Variants in GIN1 observed in about 807,000 individuals in gnomAD.
GIN1 encodes gypsy retrotransposon integrase-like protein 1.
In GIN1, 41 loss-of-function variants were observed where a neutral mutation model predicts 51.4. The ratio of observed to expected loss-of-function variants is 0.80; its 90% CI spans 0.62 to 1.04. The LOEUF is 1.04. Ranked by LOEUF, GIN1 falls within the 50% of genes least tolerant of loss-of-function variation. The pLI, the probability that GIN1 is intolerant of heterozygous loss-of-function variation, is 0.00. For missense variants in GIN1, 610 were observed against 612.4 expected (o/e 1.00, Z 0.04); for synonymous variants, 222 against 206.5 (o/e 1.07, Z -0.64).
chr5:103,106,321 A>G (rs543811892), intron 3 of GIN1, among the ~76,000 whole-genome samples: 1 of 152,278 alleles, frequency 6.6e-6, no homozygotes, highest in Non-Finnish European at 1.5e-5. Context: ...GGCACAAAAG[A>G]TAAGAGCACA....
chr5:103,090,576 G>A (rs1787210641), intron 7 of GIN1, among the ~76,000 whole-genome samples: 1 of 152,166 alleles, frequency 6.6e-6, no homozygotes, highest in African/African-American at 2.4e-5. Flanking sequence ...AAAGTTATCA[G>A]TGATGGCAGT....
rs183647157 is a variant in GIN1 at position 103,086,842 on chromosome 5, T to C, written c.*1056A>G. On this transcript the variant is annotated 3_prime_UTR_variant, in exon 8 of 8. Transcript: ENST00000399004. ...TTTACTTTTCCCACAGTTCTTTTCATAGTGCTTTAGAATAAATATTTATTG... is the reference window on the plus strand; with the variant it reads ...TTTACTTTTCCCACAGTTCTTTTCACAGTGCTTTAGAATAAATATTTATTG... 1.8e-4 allele frequency: 27 copies of C among 152,372 alleles called. No individual in the cohort carries two copies. Among genetic ancestry groups the C allele is most frequent in the African/African-American group, 6.0e-4 (25 of 41,582 alleles). 9.4% of individuals were successfully genotyped at this position (152,372 alleles called of 1,614,324 possible). A position where few individuals can be genotyped will look rare whatever the true frequency, so the allele number is the denominator to read the frequency against.
At chr5:103,117,471 T>C (rs141166773) in intron 1 of GIN1, among the ~76,000 whole-genome samples, 1 of 152,118 alleles carries the variant, frequency 6.6e-6, no homozygotes, top group African/African-American at 2.4e-5. Flanking sequence ...AGAGCATATA[T>C]AGAACCTGAT....
At chr5:103,118,643 C>A (rs1192290233) in intron 1 of GIN1, among the ~76,000 whole-genome samples, 2 of 151,696 alleles carry the variant, frequency 1.3e-5, no homozygotes, top group Non-Finnish European at 2.9e-5. Context: ...ATAGAAAATG[C>A]GTAAGAAAGA....
intron 1 of GIN1, among the ~76,000 whole-genome samples, chr5:103,113,552 C>T (rs1470681986): frequency 1.4e-5 from 2 of 143,628 alleles, no homozygotes; most frequent in Admixed American, 7.2e-5. Flanking sequence ...GACAGAGTTG[C>T]GCTCTGTCGC....
intron 4 of GIN1, among the ~76,000 whole-genome samples, chr5:103,100,153 C>CTAGA (rs1419241515): frequency 6.6e-6 from 1 of 150,774 alleles, no homozygotes; most frequent in Admixed American, 6.6e-5. Context: ...GTTACCCAGG[C>CTAGA]TAGAGTGCAT....
At position 103,108,572 on chromosome 5, in the gene GIN1, T is replaced by C; in HGVS notation, c.136A>G (p.Lys46Glu). 1 of 1,594,190 alleles carries C rather than the reference T, an allele frequency of 6.3e-7. No individual in the cohort carries two copies. ...AAAATTTGAACATTAATTTTACCTT[T>C]GAAGACAAATTTTTTTGCTGCTCTT... Reference protein sequence around the residue: ...IRRAAKKFVFKEKKLFYVGKD... With the variant: ...IRRAAKKFVFEEKKLFYVGKD... The change falls in exon 2 of 8, where the codon AAA becomes GAA. Residue 46 changes from lysine (K) to glutamate (E), a missense_variant. Transcript: ENST00000399004.
intron 4 of GIN1, among the ~76,000 whole-genome samples, chr5:103,100,312 C>G (rs782064278): frequency 4.0e-5 from 6 of 151,870 alleles, no homozygotes; most frequent in Non-Finnish European, 8.8e-5. Context: ...GTTGCTTAGG[C>G]TAGTCTCGAT....
chr5:103,112,528 C>T (rs1248266082), intron 1 of GIN1, among the ~76,000 whole-genome samples: 1 of 152,176 alleles, frequency 6.6e-6, no homozygotes, highest in African/African-American at 2.4e-5. Context: ...ACAGCTTCTT[C>T]TCTCACTACT....
intron 7 of GIN1, among the ~76,000 whole-genome samples, chr5:103,091,685 T>TA (rs1375187240): frequency 6.6e-6 from 1 of 151,984 alleles, no homozygotes; most frequent in Non-Finnish European, 1.5e-5. Flanking sequence ...GTTTTTTTTT[T>TA]AAAGAGATGG....
intron 6 of GIN1, 103 bp downstream of exon 6, chr5:103,097,211 A>T: frequency 1.5e-6 from 1 of 670,466 alleles, no homozygotes; most frequent in Non-Finnish European, 2.6e-6. Context: ...GCAAGTAAGT[A>T]TGTGTGTGTG....
chr5:103,108,540 A>T (rs782808073), intron 2 of GIN1, 29 bp downstream of exon 2: 16 of 1,492,570 alleles, frequency 1.1e-5, no homozygotes, highest in Non-Finnish European at 1.5e-5. Flanking sequence ...TCTACAACTC[A>T]ATAATCAAAA....
intron 7 of GIN1, among the ~76,000 whole-genome samples, chr5:103,095,160 C>T (rs782464636): frequency 6.6e-6 from 1 of 152,148 alleles, no homozygotes; most frequent in African/African-American, 2.4e-5. Context: ...ATATATTTTC[C>T]ATTAAATGTT....
In GIN1 at chr5:103,097,407, C is replaced by T; in HGVS notation, c.915G>A (p.Val305=). The change falls in exon 6 of 8, where the codon GTG becomes GTA. Residue 305 remains valine (V), a synonymous_variant. Coordinates refer to ENST00000399004, the MANE Select transcript of GIN1 (RefSeq NM_017676.2). ...CAAACATACTTGTATTATCACCATC[C>T]ACTTCATGAAGACTATCTGAAGTCT... The part of the protein sequence containing the change: ...MPETSDSLHE[V]DGDNTSMFAK... The T allele has an allele frequency of 6.4e-7, 1 of 1,566,498 alleles. No individual in the cohort carries two copies. Among genetic ancestry groups the T allele is most frequent in the Non-Finnish European group, 8.8e-7 (1 of 1,137,040 alleles).
intron 4 of GIN1, among the ~76,000 whole-genome samples, chr5:103,101,231 T>A (rs782417734): frequency 1.7e-4 from 26 of 152,162 alleles, no homozygotes; most frequent in African/African-American, 6.3e-4. Context: ...AAGACAGCTA[T>A]GAAGTGACTA....
chr5:103,096,890 C>A (rs782755512), intron 6 of GIN1, 64 bp from the exon 7 acceptor site: 86 of 997,596 alleles, frequency 8.6e-5, no homozygotes, highest in Non-Finnish European at 1.2e-4. Flanking sequence ...AAGGTAAATG[C>A]AAATAATGAG....
intron 1 of GIN1, among the ~76,000 whole-genome samples, chr5:103,116,218 TTA>T (rs1356587207): frequency 1.3e-5 from 2 of 152,128 alleles, no homozygotes; most frequent in Non-Finnish European, 2.9e-5. Context: ...GAATTTCACA[TTA>T]TTTGGTTTCA....
At position 103,096,599 on chromosome 5, in the gene GIN1, C is replaced by T. The variant is rs1554195084; in HGVS notation, c.1236G>A (p.Leu412=). ...GGTGGGACATTTTGATAGGTCTTTTCAGTCTAACCCCAGTGTTGTCTCTCA... is the reference window on the plus strand; with the variant it reads ...GGTGGGACATTTTGATAGGTCTTTTTAGTCTAACCCCAGTGTTGTCTCTCA... ...AVLRDNTGVR[L]KRPIKMSHLK... is the part of the protein sequence containing the mutation. The change falls in exon 7 of 8, where the codon CTG becomes CTA. Residue 412 remains leucine (L), a synonymous_variant. Transcript: ENST00000399004. 6.2e-7 allele frequency: 1 copy of T among 1,613,544 alleles called. No individual in the cohort carries two copies. The highest frequency in any genetic ancestry group is 1.3e-5 in the African/African-American group (1 of 75,046).
chr5:103,117,233 A>G (rs1423055723), intron 1 of GIN1, among the ~76,000 whole-genome samples: 1 of 152,112 alleles, frequency 6.6e-6, no homozygotes, highest in Non-Finnish European at 1.5e-5. Context: ...AAATAGACCT[A>G]ACAATATGAA....
Sources: allele counts gnomAD v4.1 joint callset (sites outside exome capture counted in the v4.1 genomes callset), GRCh38; gene constraint gnomAD v4.1.1; transcripts MANE v1.5; gene names NCBI Gene and HGNC (gene_info 2026-07-23, HGNC 2026-07-21).